Variants in IVNS1ABP observed in about 807,000 individuals in gnomAD.
IVNS1ABP encodes influenza virus NS1A-binding protein.
A neutral mutation model predicts 78.9 loss-of-function variants in IVNS1ABP; 25 were observed. The ratio of observed to expected loss-of-function variants is 0.32; its 90% CI spans 0.23 to 0.44. The LOEUF (loss-of-function observed/expected upper bound fraction) is 0.44, where lower values mean the gene tolerates loss of function less well. Ranked by LOEUF, IVNS1ABP falls within the 20% of genes least tolerant of loss-of-function variation. The probability of loss-of-function intolerance (pLI) is 1.00; values close to 1 mark genes in which losing one functional copy is unlikely to be tolerated. For synonymous variants in IVNS1ABP, 241 were observed against 259.7 expected (o/e 0.93, Z 0.69); for missense variants, 494 against 768.9 (o/e 0.64, Z 4.23).
rs759223000 is a variant in IVNS1ABP at position 185,306,930 on chromosome 1, T to G, written c.657+84A>C. On this transcript the variant is annotated intron_variant, in intron 7 of 14. Coordinates refer to ENST00000367498, the MANE Select transcript of IVNS1ABP (RefSeq NM_006469.5). ...TTTAAATTCTTTAGGGTCATGGTTA[T>G]AAAATAAAAGTGAAAGGGAATCCTT... is the stretch of plus-strand genomic sequence containing the variant. 3.4e-5 allele frequency: 50 copies of G among 1,474,928 alleles called. 1 individual carries two copies. The South Asian group carries it at 5.7e-4, about 17-fold the overall frequency. 91.4% of individuals were successfully genotyped at this position (1,474,928 alleles called of 1,614,324 possible).
intron 1 of IVNS1ABP, among the ~76,000 whole-genome samples, chr1:185,312,548 A>C (rs1219301738): frequency 6.6e-6 from 1 of 152,202 alleles, no homozygotes; most frequent in African/African-American, 2.4e-5. Flanking sequence ...TTAGTTCAAC[A>C]TGTGTCCTAA....
Position 185,300,017 on chromosome 1 carries a change from A to C in IVNS1ABP, c.1483T>G (p.Cys495Gly), listed in dbSNP as rs750472986. ...FDPVTKLWTSCAPLNIRRHQS... is the reference protein window; with the variant it reads ...FDPVTKLWTSGAPLNIRRHQS... Reference sequence around the variant, plus strand: ...AACTTACGAATGTTAAGAGGGGCACAGCTTGTCCACAACTTTGTTACAGGA... The same window carrying C: ...AACTTACGAATGTTAAGAGGGGCACCGCTTGTCCACAACTTTGTTACAGGA... The change falls in exon 13 of 15, where the codon TGT becomes GGT. Residue 495 changes from cysteine to glycine, a missense_variant. Cys to Gly is a radical substitution (Grantham distance 159). Coordinates refer to ENST00000367498, the MANE Select transcript of IVNS1ABP (RefSeq NM_006469.5). 3.7e-6 allele frequency: 6 copies of C among 1,613,148 alleles called. No homozygotes were observed. Among genetic ancestry groups the C allele is most frequent in the Non-Finnish European group, 5.1e-6 (6 of 1,179,632 alleles).
intron 8 of IVNS1ABP, among the ~76,000 whole-genome samples, chr1:185,304,674 C>G (rs999374847): frequency 6.6e-6 from 1 of 152,030 alleles, no homozygotes; most frequent in Non-Finnish European, 1.5e-5. Flanking sequence ...CATAGCCAAA[C>G]TAATTTAATG....
rs1665716145 is a variant in IVNS1ABP, at chr1:185,305,441, G to T, written c.765+95C>A. The T allele has an allele frequency of 7.4e-7, 1 of 1,359,314 alleles. No homozygotes were observed. Among genetic ancestry groups the T allele is most frequent in the Non-Finnish European group, 1.0e-6 (1 of 984,758 alleles). 84.2% of individuals were successfully genotyped at this position (1,359,314 alleles called of 1,614,324 possible). A position where few individuals can be genotyped will look rare whatever the true frequency, so the allele number is the denominator to read the frequency against. Reference sequence around the variant, plus strand: ...CTGTCCAGTTATACCAATGAAATTGGTCCACTTTCCTTTATTAAAGGAAAA... The same window carrying T: ...CTGTCCAGTTATACCAATGAAATTGTTCCACTTTCCTTTATTAAAGGAAAA... On this transcript the variant is annotated intron_variant, in intron 8 of 14. Coordinates refer to ENST00000367498, the MANE Select transcript of IVNS1ABP (RefSeq NM_006469.5). This position sits in a 1 kb window ranked among gnomAD's most constrained non-coding sequence, Gnocchi z 4.0.
At chr1:185,308,722 T>C (rs1665806989) in intron 5 of IVNS1ABP, 78 bp downstream of exon 5, 1 of 1,042,292 alleles carries the variant, frequency 9.6e-7, no homozygotes, top group African/African-American at 1.6e-5. Flanking sequence ...ACTAACAAGA[T>C]GTTTTATGAC....
intron 2 of IVNS1ABP, among the ~76,000 whole-genome samples, chr1:185,310,802 C>T (rs1366823535): frequency 6.6e-6 from 1 of 151,072 alleles, no homozygotes; most frequent in Admixed American, 6.6e-5. Flanking sequence ...CACTTGAGCC[C>T]AGGAGTTCCA....
chr1:185,303,014 T>C (rs956024068), intron 8 of IVNS1ABP, among the ~76,000 whole-genome samples: 29 of 152,066 alleles, frequency 1.9e-4, no homozygotes, highest in Non-Finnish European at 1.9e-4. Context: ...TTTTATACTA[T>C]GAATATTAAG....
At chr1:185,303,661 C>A (rs888019943) in intron 8 of IVNS1ABP, among the ~76,000 whole-genome samples, 1 of 151,930 alleles carries the variant, frequency 6.6e-6, no homozygotes. Context: ...AAAATCTATC[C>A]TTTCTCCTTC....
intron 8 of IVNS1ABP, 110 bp from the exon 9 acceptor site, chr1:185,301,673 T>A: frequency 8.6e-6 from 10 of 1,166,076 alleles, no homozygotes; most frequent in Non-Finnish European, 1.2e-5. Context: ...TATATGACAT[T>A]TATAGGACAC....
At position 185,316,724 on chromosome 1, in the gene IVNS1ABP, C is replaced by A. The variant is rs190430821; in HGVS notation, c.-247+229G>T. 7.4e-4 allele frequency among the ~76,000 whole-genome samples: 113 copies of A among 152,322 alleles called. 1 individual carries two copies. The East Asian group carries it at 0.02, about 27-fold the overall frequency. On this transcript the variant is annotated intron_variant, in intron 1 of 14. Coordinates refer to ENST00000367498, the MANE Select transcript of IVNS1ABP (RefSeq NM_006469.5). ...CTCCGAGGCGACCGGCGCCCGCTCT[C>A]GGCCGCCAACGCAACTTGGCAACCA...
intron 1 of IVNS1ABP, among the ~76,000 whole-genome samples, chr1:185,315,380 T>C (rs1345662343): frequency 6.6e-6 from 1 of 152,160 alleles, no homozygotes; most frequent in Non-Finnish European, 1.5e-5. Context: ...TGTTTTGTCT[T>C]GGGGGGAAAG....
chr1:185,299,355 GGATTTGC>G (rs1214116281), intron 14 of IVNS1ABP: 3 of 283,648 alleles, frequency 1.1e-5, no homozygotes, highest in Non-Finnish European at 2.0e-5. Context: ...AAAAGACTAG[GGATTTGC>G]CTTTGTTTTG....
chr1:185,296,758 TATATC>T lies in IVNS1ABP; in HGVS notation c.*1272_*1276del, dbSNP rs939833641. 6.6e-6 allele frequency: 1 copy of T among 152,152 alleles called. No individual in the cohort carries two copies. The highest frequency in any genetic ancestry group is 1.5e-5 in the Non-Finnish European group (1 of 68,018). The allele number at this position is 152,152 out of a possible 1,614,324, so 9.4% of individuals were successfully genotyped here. A position where few individuals can be genotyped will look rare whatever the true frequency, so the allele number is the denominator to read the frequency against. ...CATCTTCTGTGAGAAAAAAAAACCT[TATATC>T]ATTCCTTATTTCAGATGTAAGATGC... On this transcript the variant is annotated 3_prime_UTR_variant, in exon 15 of 15. Coordinates refer to ENST00000367498, the MANE Select transcript of IVNS1ABP (RefSeq NM_006469.5).
At position 185,300,484 on chromosome 1, in the gene IVNS1ABP, C is replaced by G. The variant is rs760543632; in HGVS notation, c.1195G>C (p.Ala399Pro). Residue 399 changes from alanine (A) to proline (P), a missense_variant, in exon 11 of 15, where the codon GCT (alanine) becomes CCT (proline). Ala to Pro is a conservative substitution (Grantham distance 27). Transcript: ENST00000367498. ...CGGGCTCTTGGTGTTCTCATGGGAG[C>G]AAGAAAGGACCAGTGATCTGTATGT... Reference protein sequence around the residue: ...NPHTDHWSFLAPMRTPRARFQ... With the variant: ...NPHTDHWSFLPPMRTPRARFQ... The G allele has an allele frequency of 6.2e-7, 1 of 1,613,630 alleles. No homozygotes were observed. Among genetic ancestry groups the G allele is most frequent in the South Asian group, 1.1e-5 (1 of 91,078 alleles).
chr1:185,309,232 T>C, intron 3 of IVNS1ABP, 60 bp from the exon 4 acceptor site: 1 of 1,294,534 alleles, frequency 7.7e-7, no homozygotes, highest in Non-Finnish European at 1.1e-6. Flanking sequence ...TCTAGCTAAT[T>C]ACTATATCAG....
chr1:185,300,768 T>G, intron 10 of IVNS1ABP: 1 of 691,632 alleles, frequency 1.4e-6, no homozygotes, highest in East Asian at 2.7e-5. Context: ...GCTTGAATAT[T>G]AGAAAAATTT....
intron 6 of IVNS1ABP, 115 bp from the exon 7 acceptor site, chr1:185,307,254 C>T: frequency 7.7e-7 from 1 of 1,306,944 alleles, no homozygotes. Flanking sequence ...TACATTTACT[C>T]TAATTTGTAA....
At chr1:185,302,701 T>C (rs536299159) in intron 8 of IVNS1ABP, among the ~76,000 whole-genome samples, 8 of 152,242 alleles carry the variant, frequency 5.3e-5, no homozygotes, top group African/African-American at 1.9e-4. Context: ...TTATCAATGG[T>C]TATGATTAAA....
intron 1 of IVNS1ABP, among the ~76,000 whole-genome samples, chr1:185,316,643 C>T (rs1047434807): frequency 1.3e-5 from 2 of 152,220 alleles, no homozygotes; most frequent in African/African-American, 4.8e-5. Flanking sequence ...AACTCTTGTT[C>T]CTCCCAGCCT....
Sources: gnomAD v4.1 joint callset for allele counts (sites outside exome capture counted in the v4.1 genomes callset) on GRCh38, gnomAD v4.1.1 for gene constraint, Gnocchi (gnomAD v3.1) non-coding constraint, MANE v1.5 for transcripts, NCBI Gene and HGNC (gene_info 2026-07-23, HGNC 2026-07-21) for gene names.